Variants in SPMIP4 observed in about 807,000 individuals in gnomAD.
SPMIP4 encodes the protein sperm-associated microtubule inner protein 4.
At chr7:25,132,789 A>G in the SPMIP4 span, among the ~76,000 whole-genome samples, 1 of 152,356 alleles carries the variant, frequency 6.6e-6, no homozygotes, top group East Asian at 1.9e-4. This position sits in a 1 kb window ranked among gnomAD's most constrained non-coding sequence, Gnocchi z 5.0. Flanking sequence ...TTGCTTGTGT[A>G]TAACAAAAGT....
the SPMIP4 span, among the ~76,000 whole-genome samples, chr7:25,127,156 T>TG: frequency 6.6e-6 from 1 of 152,220 alleles, no homozygotes; most frequent in Non-Finnish European, 1.5e-5. Flanking sequence ...TTAAATGTTT[T>TG]GGGGTGTCTT....
At chr7:25,152,650 ACTTCTTTCCTTCCTTCCTTC>A in the SPMIP4 span, among the ~76,000 whole-genome samples, 86 of 150,424 alleles carry the variant, frequency 5.7e-4, no homozygotes, top group African/African-American at 1.3e-3. Context: ...TAACTTCCTA[ACTTCTTTCCTTCCTTCCTTC>A]CTTCTTTCCT....
chr7:25,128,322 G>C, the SPMIP4 span, among the ~76,000 whole-genome samples: 45,622 of 152,198 alleles, frequency 0.3, 8,300 homozygotes, highest in South Asian at 0.41. This position sits in a 1 kb window ranked among gnomAD's most constrained non-coding sequence, Gnocchi z 4.5. Context: ...GTCCAGAGAT[G>C]CTGTCTGGAA....
At chr7:25,142,713 A>T in the SPMIP4 span, 1 of 1,612,754 alleles carries the variant, frequency 6.2e-7, no homozygotes, top group Non-Finnish European at 8.5e-7. Flanking sequence ...CTTCTTTGGC[A>T]GAGCAAATAG....
At chr7:25,148,791 T>C in the SPMIP4 span, among the ~76,000 whole-genome samples, 5 of 152,204 alleles carry the variant, frequency 3.3e-5, no homozygotes, top group East Asian at 1.9e-4. Context: ...CATCTCTTTT[T>C]CTTTTGTTTC....
At chr7:25,134,633 G>A in the SPMIP4 span, 5 of 970,152 alleles carry the variant, frequency 5.2e-6, no homozygotes, top group Non-Finnish European at 6.1e-6. Flanking sequence ...ACCCAGGGAA[G>A]CTGGGTACAA....
At chr7:25,157,488 T>C in the SPMIP4 span, among the ~76,000 whole-genome samples, 3 of 152,092 alleles carry the variant, frequency 2.0e-5, no homozygotes, top group Admixed American at 2.0e-4. Flanking sequence ...TCACCAGGGA[T>C]AGATCATGCC....
the SPMIP4 span, among the ~76,000 whole-genome samples, chr7:25,129,951 T>C: frequency 2.0e-5 from 3 of 152,100 alleles, no homozygotes; most frequent in African/African-American, 7.2e-5. Context: ...TCAAGGATAG[T>C]TGGTGGCTGG....
the SPMIP4 span, among the ~76,000 whole-genome samples, chr7:25,177,156 T>A: frequency 6.6e-6 from 1 of 152,192 alleles, no homozygotes; most frequent in African/African-American, 2.4e-5. Context: ...GACTGCCTGG[T>A]GTGGAAGTGC....
At chr7:25,138,015 G>A in the SPMIP4 span, among the ~76,000 whole-genome samples, 1 of 152,280 alleles carries the variant, frequency 6.6e-6, no homozygotes, top group African/African-American at 2.4e-5. This position sits in a 1 kb window ranked among gnomAD's most constrained non-coding sequence, Gnocchi z 6.2. Flanking sequence ...TTATTATTAT[G>A]TATAGGACTA....
chr7:25,166,930 G>A, the SPMIP4 span, among the ~76,000 whole-genome samples: 3 of 152,078 alleles, frequency 2.0e-5, no homozygotes, highest in East Asian at 5.8e-4. Context: ...AAGTGTAACT[G>A]GCATTCTAAG....
the SPMIP4 span, among the ~76,000 whole-genome samples, chr7:25,144,840 AC>A: frequency 2.6e-5 from 4 of 152,268 alleles, no homozygotes; most frequent in East Asian, 7.7e-4. Context: ...AGGCACTGCT[AC>A]CCCTATAAAC....
At chr7:25,133,495 G>A in the SPMIP4 span, among the ~76,000 whole-genome samples, 3 of 152,210 alleles carry the variant, frequency 2.0e-5, no homozygotes, top group Admixed American at 6.5e-5. Context: ...AATGGTTCAA[G>A]GCCAAAGTGG....
At chr7:25,128,409 A>G in the SPMIP4 span, among the ~76,000 whole-genome samples, 1 of 152,204 alleles carries the variant, frequency 6.6e-6, no homozygotes, top group Non-Finnish European at 1.5e-5. This position sits in a 1 kb window ranked among gnomAD's most constrained non-coding sequence, Gnocchi z 4.5. Context: ...CACCCAAACC[A>G]CAAGATAAAG....
At chr7:25,165,670 C>T in the SPMIP4 span, among the ~76,000 whole-genome samples, 61 of 152,290 alleles carry the variant, frequency 4.0e-4, no homozygotes, top group Non-Finnish European at 6.5e-4. Flanking sequence ...ATTGAAGCAA[C>T]GGTCCTCCAA....
At chr7:25,166,690 C>A in the SPMIP4 span, among the ~76,000 whole-genome samples, 3 of 151,828 alleles carry the variant, frequency 2.0e-5, no homozygotes, top group South Asian at 6.2e-4. Flanking sequence ...AGTTCGAGAC[C>A]TGCCTGATCC....
At chr7:25,142,325 C>A in the SPMIP4 span, 1 of 1,600,372 alleles carries the variant, frequency 6.2e-7, no homozygotes, top group Non-Finnish European at 8.5e-7. Flanking sequence ...GGTCCATGGG[C>A]CCCAGACCTT....
the SPMIP4 span, among the ~76,000 whole-genome samples, chr7:25,134,343 AAAAAAAAAACC>A: frequency 4.2e-3 from 639 of 151,848 alleles, 3 homozygotes; most frequent in Non-Finnish European, 6.9e-3. Context: ...TAAAAAAAAA[AAAAAAAAAACC>A]AAAAAAACAA....
the SPMIP4 span, chr7:25,154,904 T>A: frequency 5.8e-6 from 6 of 1,039,462 alleles, no homozygotes; most frequent in Middle Eastern, 2.7e-4. Context: ...ATCTATTGAG[T>A]CACACATTTG....
Sources: gnomAD v4.1 joint callset for allele counts (sites outside exome capture counted in the v4.1 genomes callset) on GRCh38, gnomAD v4.1.1 for gene constraint, Gnocchi (gnomAD v3.1) non-coding constraint, MANE v1.5 for transcripts, NCBI Gene and HGNC (gene_info 2026-07-23, HGNC 2026-07-21) for gene names.